The following ZBTB7C variants were observed in gnomAD, a reference collection of about 807,000 sequenced individuals.
ZBTB7C encodes the protein zinc finger and BTB domain-containing protein 7C.
In ZBTB7C, 8 loss-of-function variants were observed where a neutral mutation model predicts 25.7. The observed-to-expected ratio is 0.31, with a 90% confidence interval of 0.18 to 0.56. The LOEUF is 0.56. Ranked by LOEUF, ZBTB7C falls within the 20% of genes least tolerant of loss-of-function variation. The probability of loss-of-function intolerance (pLI) is 0.91; values close to 1 mark genes in which losing one functional copy is unlikely to be tolerated. For synonymous variants in ZBTB7C, 394 were observed against 369.0 expected (o/e 1.07, Z -0.78); for missense variants, 824 against 855.2 (o/e 0.96, Z 0.46).
intron 2 of ZBTB7C, among the ~76,000 whole-genome samples, chr18:48,336,121 T>G (rs2046451802): frequency 6.6e-6 from 1 of 152,176 alleles, no homozygotes; most frequent in Non-Finnish European, 1.5e-5. Flanking sequence ...CTGCCTCCAG[T>G]CTTTCTGTGT....
chr18:48,039,084 T>C (rs2036101488), intron 4 of ZBTB7C, among the ~76,000 whole-genome samples: 1 of 152,226 alleles, frequency 6.6e-6, no homozygotes, highest in African/African-American at 2.4e-5. Flanking sequence ...ATATAACATA[T>C]GTTTGCTGAA....
chr18:48,254,860 C>T (rs1052804333), intron 2 of ZBTB7C, among the ~76,000 whole-genome samples: 3 of 152,170 alleles, frequency 2.0e-5, no homozygotes, highest in African/African-American at 7.2e-5. Flanking sequence ...ACTGACTTGC[C>T]ATGCACATCA....
chr18:48,374,613 C>T (rs190123908), intron 1 of ZBTB7C, among the ~76,000 whole-genome samples: 336 of 152,354 alleles, frequency 2.2e-3, no homozygotes, highest in African/African-American at 7.5e-3. Flanking sequence ...GTTCTTGGCT[C>T]ATTTCCACTG....
chr18:48,404,233 C>G (rs1405541122), intron 1 of ZBTB7C, among the ~76,000 whole-genome samples: 3 of 151,560 alleles, frequency 2.0e-5, no homozygotes, highest in Non-Finnish European at 2.9e-5. Flanking sequence ...GCCTGGGTGA[C>G]AAGAGTGAGA....
intron 2 of ZBTB7C, among the ~76,000 whole-genome samples, chr18:48,228,872 C>T (rs925149192): frequency 3.3e-5 from 5 of 151,998 alleles, no homozygotes; most frequent in Non-Finnish European, 5.9e-5. Context: ...AACACACTCT[C>T]ACTTTAGACT....
chr18:48,046,939 T>G (rs1488036280), intron 3 of ZBTB7C, among the ~76,000 whole-genome samples: 1 of 152,192 alleles, frequency 6.6e-6, no homozygotes, highest in Non-Finnish European at 1.5e-5. Flanking sequence ...GACCCTGGAC[T>G]TGAAGGCTGG....
At chr18:48,158,080 A>G (rs1262735999) in intron 3 of ZBTB7C, among the ~76,000 whole-genome samples, 1 of 152,082 alleles carries the variant, frequency 6.6e-6, no homozygotes, top group African/African-American at 2.4e-5. Flanking sequence ...AGGCTGGATA[A>G]ATCTGTGCCA....
At chr18:48,264,700 C>G (rs1262526515) in intron 2 of ZBTB7C, among the ~76,000 whole-genome samples, 1 of 152,196 alleles carries the variant, frequency 6.6e-6, no homozygotes, top group Non-Finnish European at 1.5e-5. Flanking sequence ...CAGCTCCCAC[C>G]AAATGGTCTG....
At chr18:48,060,171 C>T (rs146313591) in intron 3 of ZBTB7C, among the ~76,000 whole-genome samples, 5 of 152,284 alleles carry the variant, frequency 3.3e-5, no homozygotes, top group Admixed American at 1.3e-4. Context: ...CTCATCCACC[C>T]TCTGATTTGG....
intron 1 of ZBTB7C, among the ~76,000 whole-genome samples, chr18:48,352,206 G>C (rs2046879393): frequency 6.6e-6 from 1 of 152,232 alleles, no homozygotes; most frequent in Non-Finnish European, 1.5e-5. Context: ...GAGCACTCTG[G>C]GGGCAGCACA....
chr18:48,066,173 G>T (rs1052404826), intron 3 of ZBTB7C, among the ~76,000 whole-genome samples: 3 of 152,168 alleles, frequency 2.0e-5, no homozygotes, highest in Non-Finnish European at 4.4e-5. Flanking sequence ...GCATCCCTGG[G>T]GACTGGGCTA....
intron 3 of ZBTB7C, among the ~76,000 whole-genome samples, chr18:48,052,829 A>AC (rs1191193000): frequency 1.3e-5 from 2 of 152,168 alleles, no homozygotes. Flanking sequence ...CTTGCTGCCC[A>AC]CACATGAATC....
chr18:48,131,584 G>A (rs566115555), intron 3 of ZBTB7C, among the ~76,000 whole-genome samples: 97 of 152,172 alleles, frequency 6.4e-4, no homozygotes, highest in African/African-American at 2.3e-3. Context: ...CAGTCCCATA[G>A]GCATAAAACT....
chr18:48,199,041 T>C (rs1384399661), intron 2 of ZBTB7C, among the ~76,000 whole-genome samples: 2 of 152,260 alleles, frequency 1.3e-5, no homozygotes, highest in Admixed American at 6.5e-5. Flanking sequence ...TTTGGAAGGC[T>C]GAAGGCACTG....
At chr18:48,134,448 G>T (rs62087387) in intron 3 of ZBTB7C, among the ~76,000 whole-genome samples, 10 of 152,178 alleles carry the variant, frequency 6.6e-5, no homozygotes, top group Non-Finnish European at 1.2e-4. Flanking sequence ...TGTAAGTGGA[G>T]ATGTAAGTGG....
Position 48,401,387 on chromosome 18 carries a change from A to G in ZBTB7C, c.-304+7839T>C, listed in dbSNP as rs1305459021. ...GTGCCTGTATGTATTATCTTATCTC[A>G]TTTTCTCAGCCACCCTATCAAATTG... On this transcript the variant is annotated intron_variant, in intron 1 of 4. Transcript: ENST00000590800. Among the ~76,000 whole-genome samples the G allele has an allele frequency of 2.6e-5, 4 of 151,906 alleles. No individual in the cohort carries two copies. The East Asian group carries it at 7.7e-4, about 29-fold the overall frequency.
intron 2 of ZBTB7C, among the ~76,000 whole-genome samples, chr18:48,242,502 T>C (rs1268742365): frequency 6.6e-6 from 1 of 152,198 alleles, no homozygotes; most frequent in East Asian, 1.9e-4. Flanking sequence ...TAATATACCA[T>C]GATCGAGTGG....
intron 3 of ZBTB7C, among the ~76,000 whole-genome samples, chr18:48,058,683 C>T (rs371165606): frequency 1.3e-5 from 2 of 152,334 alleles, no homozygotes; most frequent in South Asian, 2.1e-4. Context: ...CCCGTGCAGT[C>T]CCCTCCTGCA....
chr18:48,103,611 C>T (rs1167991751), intron 3 of ZBTB7C, among the ~76,000 whole-genome samples: 2 of 152,192 alleles, frequency 1.3e-5, no homozygotes, highest in Non-Finnish European at 2.9e-5. Flanking sequence ...TGAAAACTTA[C>T]ATCCCCATAA....
Sources: allele counts gnomAD v4.1 joint callset (sites outside exome capture counted in the v4.1 genomes callset), GRCh38; gene constraint gnomAD v4.1.1; transcripts MANE v1.5; gene names NCBI Gene and HGNC (gene_info 2026-07-23, HGNC 2026-07-21).